The following ARHGEF38 variants were observed in gnomAD, a reference collection of about 807,000 sequenced individuals.
ARHGEF38 encodes Rho guanine nucleotide exchange factor 38, also known as Rho guanine nucleotide exchange factor (GEF) 38.
A neutral mutation model predicts 79.9 loss-of-function variants in ARHGEF38; 79 were observed. The observed-to-expected ratio is 0.99, with a 90% CI of 0.82 to 1.19. The LOEUF is 1.19. ARHGEF38 is among the 50% of genes most tolerant of loss of function. ARHGEF38 has a pLI of 0.00. For missense variants in ARHGEF38, 962 were observed against 907.2 expected (o/e 1.06, Z -0.78); for synonymous variants, 366 against 328.3 (o/e 1.11, Z -1.24).
intron 6 of ARHGEF38, among the ~76,000 whole-genome samples, 190 bp downstream of exon 6, chr4:105,645,577 C>A (rs998155450): frequency 7.2e-5 from 11 of 152,218 alleles, no homozygotes; most frequent in African/African-American, 2.6e-4. Flanking sequence ...TTAAGAGGCA[C>A]AAGAAATGAA....
chr4:105,676,656 T>C (rs1168057963), intron 13 of ARHGEF38, among the ~76,000 whole-genome samples: 1 of 152,220 alleles, frequency 6.6e-6, no homozygotes, highest in Non-Finnish European at 1.5e-5. Flanking sequence ...ACGCACTTAA[T>C]AATTATAAAT....
chr4:105,562,749 G>A (rs926143698), intron 1 of ARHGEF38, among the ~76,000 whole-genome samples: 1 of 152,198 alleles, frequency 6.6e-6, no homozygotes. Flanking sequence ...ACAAGGGCCT[G>A]AAGTATACTG....
At position 105,669,964 on chromosome 4, in the gene ARHGEF38, T is replaced by C. The variant is rs1438326578; in HGVS notation, c.2148+2261T>C. ...AGAGTCTTTCATGTTGTAGTATGTA[T>C]ATGTACTTTGTTGCTTTTTATCGCC... On this transcript the variant is annotated intron_variant, in intron 13 of 13. Coordinates refer to ENST00000420470, the MANE Select transcript of ARHGEF38 (RefSeq NM_001242729.2). 2.0e-5 allele frequency among the ~76,000 whole-genome samples: 3 copies of C among 152,194 alleles called. No individual in the cohort carries two copies. In the East Asian group the frequency reaches 5.8e-4, roughly 29 times the overall value.
chr4:105,633,479 C>T (rs536061673), intron 4 of ARHGEF38, among the ~76,000 whole-genome samples: 21 of 152,292 alleles, frequency 1.4e-4, no homozygotes, highest in African/African-American at 5.1e-4. Context: ...TACTGTCACT[C>T]TGCCTTTTCC....
intron 1 of ARHGEF38, among the ~76,000 whole-genome samples, chr4:105,579,030 G>A (rs1365805186): frequency 6.6e-6 from 1 of 151,944 alleles, no homozygotes; most frequent in East Asian, 1.9e-4. Flanking sequence ...TTCTATTTTG[G>A]TGCATATCAA....
rs368012159 is a variant in ARHGEF38 at position 105,565,919 on chromosome 4, G to T, written c.196+12958G>T. On this transcript the variant is annotated intron_variant, in intron 1 of 13. Transcript: ENST00000420470. ...TCACCTCTTGAATTTCCCTTGATCT[G>T]CTCTGTTCTTTCTATCTTCTTGGCA... Among the ~76,000 whole-genome samples, 4 of 152,000 alleles carry T rather than the reference G, an allele frequency of 2.6e-5. No homozygotes were observed. The East Asian group carries it at 7.7e-4, about 29-fold the overall frequency.
chr4:105,553,000 C>A (rs1725070999), intron 1 of ARHGEF38, 39 bp downstream of exon 1: 1 of 1,491,988 alleles, frequency 6.7e-7, no homozygotes, highest in South Asian at 1.3e-5. Context: ...TTACTGCACT[C>A]CCAGCTCCAT....
chr4:105,612,723 T>G (rs1373534937), intron 2 of ARHGEF38, among the ~76,000 whole-genome samples: 1 of 152,174 alleles, frequency 6.6e-6, no homozygotes, highest in East Asian at 1.9e-4. Context: ...TTCGTAATTC[T>G]TGGTACATAG....
Position 105,563,159 on chromosome 4 carries a change from T to C in ARHGEF38, c.196+10198T>C, listed in dbSNP as rs562215102. 4 of 152,272 alleles carry C rather than the reference T, an allele frequency of 2.6e-5. No individual in the cohort carries two copies. In the South Asian group the frequency reaches 8.3e-4, roughly 32 times the overall value. 9.4% of individuals were successfully genotyped at this position (152,272 alleles called of 1,614,324 possible). On this transcript the variant is annotated intron_variant, in intron 1 of 13. Transcript: ENST00000420470. The stretch of plus-strand genomic sequence containing the variant: ...CCTTTAAGGGGAACGGGTGCTAACA[T>C]GGCATCCACCACATATTAAGTGGTT...
intron 2 of ARHGEF38, among the ~76,000 whole-genome samples, chr4:105,602,410 T>C (rs1451177461): frequency 2.6e-5 from 4 of 152,148 alleles, no homozygotes; most frequent in African/African-American, 7.2e-5. Context: ...AAACACGTTT[T>C]AGGAAGACTA....
At chr4:105,638,442 T>TA (rs1202798429) in intron 5 of ARHGEF38, among the ~76,000 whole-genome samples, 5 of 152,038 alleles carry the variant, frequency 3.3e-5, no homozygotes, top group African/African-American at 9.7e-5. Flanking sequence ...CTCTTTTTTT[T>TA]ATGTGTTCCC....
chr4:105,610,048 TC>T (rs1197775367), intron 2 of ARHGEF38, among the ~76,000 whole-genome samples: 1 of 152,120 alleles, frequency 6.6e-6, no homozygotes, highest in Non-Finnish European at 1.5e-5. Flanking sequence ...TTGGATCATG[TC>T]CTTTGCAGAG....
chr4:105,634,993 T>G (rs970629583), intron 4 of ARHGEF38, among the ~76,000 whole-genome samples: 9 of 152,256 alleles, frequency 5.9e-5, no homozygotes, highest in African/African-American at 1.7e-4. Context: ...GTGTTCCAAG[T>G]AAAAATTAAA....
At chr4:105,653,219 T>A (rs1730179123) in intron 7 of ARHGEF38, among the ~76,000 whole-genome samples, 1 of 152,200 alleles carries the variant, frequency 6.6e-6, no homozygotes. Flanking sequence ...ACTGAATACA[T>A]GTGACACTAT....
rs375417763 is a variant in ARHGEF38 at position 105,673,860 on chromosome 4, G to A, written c.2149-3892G>A. Among the ~76,000 whole-genome samples, 13 of 152,192 alleles carry A rather than the reference G, an allele frequency of 8.5e-5. No homozygotes were observed. The East Asian group carries it at 1.7e-3, about 20-fold the overall frequency. The stretch of plus-strand genomic sequence containing the variant: ...TAATTAAAACATATAATTGTTAAGT[G>A]AAGAACATGAAAGCTTGCTCCTGAA... On this transcript the variant is annotated intron_variant, in intron 13 of 13. Transcript: ENST00000420470.
chr4:105,598,142 C>T (rs192203459), intron 2 of ARHGEF38, among the ~76,000 whole-genome samples: 11 of 152,218 alleles, frequency 7.2e-5, no homozygotes, highest in East Asian at 3.9e-4. Context: ...CTGTTTCTCA[C>T]GCTATGCTTG....
rs572223738 is a variant in ARHGEF38 at position 105,586,829 on chromosome 4, G to A, written c.197-2419G>A. Among the ~76,000 whole-genome samples, 64 of 152,266 alleles carry A rather than the reference G, an allele frequency of 4.2e-4. No individual in the cohort carries two copies. The South Asian group carries it at 0.012, about 29-fold the overall frequency. ...CTGGTTTGTCAGCTCTCTTACGCAT[G>A]AGATTTCCTCCTGTGCTCTATTTCA... On this transcript the variant is annotated intron_variant, in intron 1 of 13. Transcript: ENST00000420470.
intron 7 of ARHGEF38, among the ~76,000 whole-genome samples, chr4:105,652,290 G>C (rs998511285): frequency 6.6e-6 from 1 of 152,210 alleles, no homozygotes; most frequent in Non-Finnish European, 1.5e-5. Flanking sequence ...GGTTTTGGCA[G>C]TGTCTGGAAC....
At chr4:105,627,730 T>G (rs1259932523) in intron 3 of ARHGEF38, among the ~76,000 whole-genome samples, 2 of 152,186 alleles carry the variant, frequency 1.3e-5, no homozygotes, top group East Asian at 1.9e-4. Flanking sequence ...CTGCTCCTAA[T>G]CATCCCCTCA....
Sources: allele counts gnomAD v4.1 joint callset (sites outside exome capture counted in the v4.1 genomes callset), GRCh38; gene constraint gnomAD v4.1.1; transcripts MANE v1.5; gene names NCBI Gene and HGNC (gene_info 2026-07-23, HGNC 2026-07-21).